Variants in TTYH1 observed in about 807,000 individuals in gnomAD.
TTYH1 encodes tweety family member 1.
TTYH1 carries 33 observed loss-of-function variants against 61.2 expected under a neutral mutation model. The observed-to-expected ratio is 0.54, with a 90% confidence interval of 0.41 to 0.72. TTYH1 has a LOEUF of 0.72. Ranked by LOEUF, TTYH1 falls within the 30% of genes least tolerant of loss-of-function variation. TTYH1 has a pLI of 0.00. For synonymous variants in TTYH1, 308 were observed against 266.4 expected, an observed-to-expected ratio of 1.16 and a Z score of -1.52; for missense variants, 538 against 575.8, an observed-to-expected ratio of 0.93 and a Z score of 0.67.
rs1225140551 is a variant in TTYH1, at chr19:54,419,208, C to T, written c.207C>T (p.Phe69=). The T allele has an allele frequency of 9.3e-6, 15 of 1,611,838 alleles. No homozygotes were observed. The highest frequency in any genetic ancestry group is 1.3e-5 in the Non-Finnish European group (15 of 1,179,988). Residue 69 remains phenylalanine (F), a synonymous_variant, in exon 2 of 14, where the codon TTC becomes TTT. Transcript: ENST00000376530. The surrounding 1 kb of genome is among the most constrained non-coding windows in gnomAD (Gnocchi z 6.1). ...LIFIAVYLIR[F]CCCRPPEPPG... is the part of the protein sequence containing the mutation. ...TCATCGCTGTCTACCTCATCCGCTT[C>T]TGCTGCTGCCGGCCCCCCGAGCCCC...
At chr19:54,428,791 G>A (rs984604724) in intron 5 of TTYH1, among the ~76,000 whole-genome samples, 1 of 152,180 alleles carries the variant, frequency 6.6e-6, no homozygotes, top group Non-Finnish European at 1.5e-5. Flanking sequence ...GGGACTGGAA[G>A]CCAGGCCTTC....
Position 54,419,075 on chromosome 19 carries a change from G to T in TTYH1, c.127-53G>T. On this transcript the variant is annotated intron_variant, in intron 1 of 13. Coordinates refer to ENST00000376530, the MANE Select transcript of TTYH1 (RefSeq NM_020659.4). This position sits in a 1 kb window ranked among gnomAD's most constrained non-coding sequence, Gnocchi z 6.1. Reference sequence around the variant, plus strand: ...CCCAGCCACGCAGGAAGGGGGATCTGAGTGTGGAACACACGGGTGCCCTCG... The same window carrying T: ...CCCAGCCACGCAGGAAGGGGGATCTTAGTGTGGAACACACGGGTGCCCTCG... 6.5e-7 allele frequency: 1 copy of T among 1,543,580 alleles called. No homozygotes were observed. The highest frequency in any genetic ancestry group is 8.8e-7 in the Non-Finnish European group (1 of 1,139,456).
At chr19:54,426,571 G>A in intron 4 of TTYH1, 102 bp from the exon 5 acceptor site, 1 of 891,852 alleles carries the variant, frequency 1.1e-6, no homozygotes, top group Non-Finnish European at 1.9e-6. Flanking sequence ...GTGAATGTGA[G>A]GCTGAGCTGG....
chr19:54,430,227 A>C (rs73936545), intron 7 of TTYH1, among the ~76,000 whole-genome samples: 18,885 of 152,090 alleles, frequency 0.12, 2,725 homozygotes, highest in African/African-American at 0.35. Flanking sequence ...GATAAAGATA[A>C]TGGTGCCAGG....
Position 54,436,065 on chromosome 19 carries a change from C to A in TTYH1, c.1315-26C>A. Reference sequence around the variant, plus strand: ...AATTCCCACTCCATTCCCTCCTCTCCCCCGCTACCCCGAATCTCCTAGCAG... The same window carrying A: ...AATTCCCACTCCATTCCCTCCTCTCACCCGCTACCCCGAATCTCCTAGCAG... On this transcript the variant is annotated intron_variant, in intron 12 of 13. Transcript: ENST00000376530. This position sits in a 1 kb window ranked among gnomAD's most constrained non-coding sequence, Gnocchi z 4.3. The A allele has an allele frequency of 1.9e-6, 3 of 1,611,792 alleles. No homozygotes were observed. The highest frequency in any genetic ancestry group is 2.5e-6 in the Non-Finnish European group (3 of 1,178,086).
chr19:54,417,899 A>G (rs963552934), intron 1 of TTYH1, among the ~76,000 whole-genome samples: 1 of 152,118 alleles, frequency 6.6e-6, no homozygotes, highest in African/African-American at 2.4e-5. Flanking sequence ...ATTTGCAGAC[A>G]GCAGTGCACC....
Position 54,435,831 on chromosome 19 carries a change from C to G in TTYH1, c.1272C>G (p.Asp424Glu). The change falls in exon 12 of 14, where the codon GAC becomes GAG. Residue 424 changes from aspartate (D) to glutamate (E), a missense_variant. Asp to Glu is a conservative substitution (Grantham distance 45). Transcript: ENST00000376530. ...PRAWALFPPSDDYDDTDDDDP... is the reference protein window; with the variant it reads ...PRAWALFPPSEDYDDTDDDDP... ...CATGCCCCGCATCAAACCCCAGTGA[C>G]GACTACGATGACACAGACGATGACG... The G allele has an allele frequency of 6.2e-7, 1 of 1,614,046 alleles. No individual in the cohort carries two copies. The highest frequency in any genetic ancestry group is 2.2e-5 in the East Asian group (1 of 44,864).
intron 1 of TTYH1, among the ~76,000 whole-genome samples, chr19:54,418,007 GAC>G (rs35160501): frequency 0.02 from 3,019 of 148,142 alleles, 46 homozygotes; most frequent in South Asian, 0.041. Flanking sequence ...ACACACTTGG[GAC>G]ACACACACAC....
intron 10 of TTYH1, chr19:54,431,629 C>T (rs1599914451): frequency 5.0e-6 from 1 of 198,666 alleles, no homozygotes. Context: ...CTCTGTACCT[C>T]AGTTAGTTCC....
intron 4 of TTYH1, among the ~76,000 whole-genome samples, chr19:54,425,666 C>G (rs2083307938): frequency 6.6e-6 from 1 of 151,960 alleles, no homozygotes; most frequent in Non-Finnish European, 1.5e-5. Flanking sequence ...ATGCTTGCAC[C>G]TCCTGAATCA....
In TTYH1 at chr19:54,415,633, C is replaced by T. The variant is rs1201095126; in HGVS notation, c.81C>T (p.Arg27=). The change falls in exon 1 of 14, where the codon CGC becomes CGT. Residue 27 remains arginine, a synonymous_variant. Coordinates refer to ENST00000376530, the MANE Select transcript of TTYH1 (RefSeq NM_020659.4). The surrounding 1 kb of genome is among the most constrained non-coding windows in gnomAD (Gnocchi z 5.2). ...TGCCCCGCGCCGACTTCCAGCTCCG[C>T]CCGGTGCCCAGCGTTTTCGCGCCCC... ...HQLPRADFQL[R]PVPSVFAPQE... 2 of 1,567,622 alleles carry T rather than the reference C, an allele frequency of 1.3e-6. No individual in the cohort carries two copies. The highest frequency in any genetic ancestry group is 1.8e-5 in the Admixed American group (1 of 55,090).
intron 4 of TTYH1, among the ~76,000 whole-genome samples, chr19:54,425,611 T>G (rs1438448804): frequency 6.6e-6 from 1 of 152,210 alleles, no homozygotes; most frequent in Admixed American, 6.5e-5. Context: ...GGATTATTAG[T>G]CGGCCTCGGA....
At chr19:54,426,407 A>C in intron 4 of TTYH1, 1 of 534,000 alleles carries the variant, frequency 1.9e-6, no homozygotes, top group Non-Finnish European at 3.4e-6. Context: ...GTCACAGGGC[A>C]CATGTGTGTG....
rs990091391 is a variant in TTYH1 at position 54,416,962 on chromosome 19, C to A, written c.126+1284C>A. On this transcript the variant is annotated intron_variant, in intron 1 of 13. Coordinates refer to ENST00000376530, the MANE Select transcript of TTYH1 (RefSeq NM_020659.4). This position sits in a 1 kb window ranked among gnomAD's most constrained non-coding sequence, Gnocchi z 7.0. ...GGGAGCCTCACTCCGCCCCCACGGT[C>A]GGGGGTCAGGGTCAGGGTGGCAGGG... The A allele has an allele frequency of 8.1e-7, 1 of 1,237,448 alleles. No homozygotes were observed. The highest frequency in any genetic ancestry group is 1.0e-6 in the Non-Finnish European group (1 of 963,456). The allele number at this position is 1,237,448 out of a possible 1,614,324, so 76.7% of individuals were successfully genotyped here.
chr19:54,430,674 G>A, intron 8 of TTYH1, 69 bp downstream of exon 8: 2 of 1,560,878 alleles, frequency 1.3e-6, no homozygotes, highest in Non-Finnish European at 1.8e-6. Context: ...GGGAGGGGGC[G>A]GGGCTGGGGC....
Position 54,435,815 on chromosome 19 carries a change from C to T in TTYH1, c.1269-13C>T. 6.2e-7 allele frequency: 1 copy of T among 1,613,838 alleles called. No homozygotes were observed. Among genetic ancestry groups the T allele is most frequent in the Non-Finnish European group, 8.5e-7 (1 of 1,179,962 alleles). ...CATCCCGCCTCTCTGCCATGCCCCG[C>T]ATCAAACCCCAGTGACGACTACGAT... On this transcript the variant is annotated splice_polypyrimidine_tract_variant and intron_variant, in intron 11 of 13. Coordinates refer to ENST00000376530, the MANE Select transcript of TTYH1 (RefSeq NM_020659.4).
rs1476305102 is a variant in TTYH1, at chr19:54,422,358, C to T, written c.586C>T (p.Pro196Ser). The T allele has an allele frequency of 6.4e-7, 1 of 1,574,064 alleles. No homozygotes were observed. The highest frequency in any genetic ancestry group is 1.2e-5 in the South Asian group (1 of 85,748). ...GGGGCTGGCCTTCTGGCAGGGAGTG[C>T]CCCTGAGCCCCCTGCAGGTGGCTGA... Reference protein sequence around the residue: ...LQGLAFWQGVPLSPLQVAENV... With the variant: ...LQGLAFWQGVSLSPLQVAENV... Residue 196 changes from proline (P) to serine (S), a missense_variant, in exon 4 of 14, where the codon CCC becomes TCC. Pro to Ser is a moderately conservative substitution (Grantham distance 74, BLOSUM62 -1). Transcript: ENST00000376530.
rs1477106967 is a variant in TTYH1, at chr19:54,429,884, C to T, written c.810C>T (p.Gly270=). 3.1e-6 allele frequency: 5 copies of T among 1,613,838 alleles called. No homozygotes were observed. In the Admixed American group the frequency reaches 6.7e-5, roughly 22 times the overall value. Residue 270 remains glycine (G), a splice_region_variant and synonymous_variant, in exon 7 of 14, where the codon GGC becomes GGT. Transcript: ENST00000376530. The surrounding 1 kb of genome is among the most constrained non-coding windows in gnomAD (Gnocchi z 5.1). ...SMGLEAATAV[G]LSDFCSNPDP... Reference sequence around the variant, plus strand: ...CCCTTTTCTGCTGCCTCACGCAGGGCCTCAGTGACTTCTGCTCCAATCCAG... The same window carrying T: ...CCCTTTTCTGCTGCCTCACGCAGGGTCTCAGTGACTTCTGCTCCAATCCAG...
chr19:54,422,249 G>C lies in TTYH1; in HGVS notation c.477G>C (p.Glu159Asp). 1 of 1,566,654 alleles carries C rather than the reference G, an allele frequency of 6.4e-7. No homozygotes were observed. Among genetic ancestry groups the C allele is most frequent in the South Asian group, 1.2e-5 (1 of 85,286 alleles). ...EAVRTELTTLEEVLEPRTELV... is the reference protein window; with the variant it reads ...EAVRTELTTLDEVLEPRTELV... The stretch of plus-strand genomic sequence containing the variant: ...TGAGGACAGAGCTGACCACCCTGGA[G>C]GAGGTGCTCGAGCCGCGCACGGAGC... The change falls in exon 4 of 14, where the codon GAG becomes GAC. Residue 159 changes from glutamate (E) to aspartate (D), a missense_variant. Glu to Asp is a conservative substitution (Grantham distance 45). Transcript: ENST00000376530.
Sources: allele counts gnomAD v4.1 joint callset (sites outside exome capture counted in the v4.1 genomes callset), GRCh38; gene constraint gnomAD v4.1.1; non-coding constraint Gnocchi (gnomAD v3.1); transcripts MANE v1.5; gene names NCBI Gene and HGNC (gene_info 2026-07-23, HGNC 2026-07-21).